GALNT13: variants seen among roughly 807,000 people sequenced by gnomAD.
GALNT13 encodes the protein polypeptide N-acetylgalactosaminyltransferase 13.
Under a neutral mutation model 64.2 loss-of-function variants are expected in GALNT13, and 28 were observed. The ratio of observed to expected loss-of-function variants is 0.44; its 90% CI spans 0.32 to 0.60. The LOEUF (loss-of-function observed/expected upper bound fraction) is 0.60, where lower values mean the gene tolerates loss of function less well. Among genes scored for constraint, GALNT13 ranks in the 20% least tolerant of loss-of-function variants. GALNT13 has a pLI of 0.05. For missense variants in GALNT13, 577 were observed against 669.8 expected (o/e 0.86, Z 1.53); for synonymous variants, 214 against 224.6 (o/e 0.95, Z 0.42).
chr2:153,527,721 TCCAGA>T, the GALNT13 span, among the ~76,000 whole-genome samples: 2 of 152,046 alleles, frequency 1.3e-5, no homozygotes, highest in Non-Finnish European at 2.9e-5. Context: ...CAACAAATTT[TCCAGA>T]CATGGACAGT....
chr2:153,453,203 G>T, the GALNT13 span, among the ~76,000 whole-genome samples: 1 of 152,142 alleles, frequency 6.6e-6, no homozygotes, highest in African/African-American at 2.4e-5. Flanking sequence ...CTGGATGTTG[G>T]CCTTGGGAAG....
chr2:153,357,360 A>G, the GALNT13 span: 2 of 152,198 alleles, frequency 1.3e-5, no homozygotes, highest in African/African-American at 4.8e-5. Flanking sequence ...TTTCAACTTG[A>G]TTATTCTTTA....
At chr2:154,161,160 C>T (rs975288589) in intron 4 of GALNT13, among the ~76,000 whole-genome samples, 10 of 151,928 alleles carry the variant, frequency 6.6e-5, no homozygotes, top group African/African-American at 7.3e-5. Flanking sequence ...AATATGCATG[C>T]GATAAGGAGG....
At chr2:154,014,649 T>TTTTTTTTTTTTTTTTTTC (rs1395681522) in intron 3 of GALNT13, among the ~76,000 whole-genome samples, 1 of 139,318 alleles carries the variant, frequency 7.2e-6, no homozygotes, top group Non-Finnish European at 1.6e-5. Context: ...TTTTTTTTTT[T>TTTTTTTTTTTTTTTTTTC]TGAGACGGAG....
At chr2:153,915,866 T>G (rs538563412) in intron 2 of GALNT13, among the ~76,000 whole-genome samples, 5 of 152,138 alleles carry the variant, frequency 3.3e-5, no homozygotes, top group Non-Finnish European at 1.5e-5. Context: ...ATCAAAGAGA[T>G]TACCTGGAAA....
In GALNT13 at chr2:154,053,789, G is replaced by A. The variant is rs201584712; in HGVS notation, c.143-86548G>A. Reference sequence around the variant, plus strand: ...GAATCTGGGCTGACAGTGGGTGAAAGGCCAGGACTGAGCATCTTTTGTAAG... The same window carrying A: ...GAATCTGGGCTGACAGTGGGTGAAAAGCCAGGACTGAGCATCTTTTGTAAG... On this transcript the variant is annotated intron_variant, in intron 3 of 12. Transcript: ENST00000392825. Among the ~76,000 whole-genome samples the A allele has an allele frequency of 9.9e-5, 15 of 152,266 alleles. No homozygotes were observed. In the East Asian group the frequency reaches 2.5e-3, roughly 25 times the overall value.
the GALNT13 span, among the ~76,000 whole-genome samples, chr2:153,502,413 T>C: frequency 2.0e-5 from 3 of 152,242 alleles, no homozygotes; most frequent in African/African-American, 7.2e-5. Flanking sequence ...GCCAATGCCA[T>C]TGTTTTGTTC....
the GALNT13 span, among the ~76,000 whole-genome samples, chr2:153,299,578 C>T: frequency 6.6e-6 from 1 of 152,160 alleles, no homozygotes; most frequent in East Asian, 1.9e-4. Flanking sequence ...AAATAAAATC[C>T]TTAGCCAGTC....
intron 3 of GALNT13, among the ~76,000 whole-genome samples, chr2:154,008,327 T>C (rs572207369): frequency 2.4e-4 from 37 of 152,224 alleles, no homozygotes; most frequent in Non-Finnish European, 5.1e-4. Flanking sequence ...GGTTATCCAT[T>C]ATCTTGGAAT....
the GALNT13 span, among the ~76,000 whole-genome samples, chr2:153,822,335 A>G: frequency 8.5e-5 from 13 of 152,292 alleles, no homozygotes; most frequent in South Asian, 2.7e-3. Context: ...ATCCTCAGCA[A>G]AATACTAGCA....
the GALNT13 span, among the ~76,000 whole-genome samples, chr2:153,734,258 T>A: frequency 6.8e-4 from 104 of 152,296 alleles, 1 homozygote; most frequent in Middle Eastern, 3.4e-3. Flanking sequence ...TGTGTTATAA[T>A]GAATACATTT....
At chr2:153,092,081 A>G in the GALNT13 span, among the ~76,000 whole-genome samples, 58 of 152,310 alleles carry the variant, frequency 3.8e-4, 1 homozygote, top group East Asian at 0.01. Flanking sequence ...TTTTCCCAGA[A>G]CCACATATTG....
the GALNT13 span, among the ~76,000 whole-genome samples, chr2:153,084,360 C>T: frequency 6.6e-6 from 1 of 152,180 alleles, no homozygotes; most frequent in African/African-American, 2.4e-5. Flanking sequence ...TGATTCTACT[C>T]ATCCATGAGT....
the GALNT13 span, among the ~76,000 whole-genome samples, chr2:153,562,932 G>A: frequency 6.6e-6 from 1 of 152,020 alleles, no homozygotes; most frequent in East Asian, 1.9e-4. Flanking sequence ...TCAGTTGCGT[G>A]ATGTACCTTT....
the GALNT13 span, among the ~76,000 whole-genome samples, chr2:153,108,641 A>T: frequency 1.8e-4 from 28 of 152,252 alleles, no homozygotes; most frequent in Admixed American, 9.8e-4. Context: ...CCACCTGGGG[A>T]TATTCTCTAT....
chr2:154,163,121 A>C (rs1162590800), intron 4 of GALNT13, among the ~76,000 whole-genome samples: 4 of 128,686 alleles, frequency 3.1e-5, no homozygotes, highest in African/African-American at 1.1e-4. Flanking sequence ...TCCTAATGCT[A>C]TCCCTCCCCC....
rs1169788360 is a variant in GALNT13 at position 154,301,391 on chromosome 2, G to A, written c.976-18G>A. ...ACAATATTATTGCATTATTTACAAT[G>A]ATTGTTCCTTTTCCCAGATTTGGCA... On this transcript the variant is annotated intron_variant, in intron 8 of 12. Coordinates refer to ENST00000392825, the MANE Select transcript of GALNT13 (RefSeq NM_052917.4). The A allele has an allele frequency of 6.2e-7, 1 of 1,601,168 alleles. No individual in the cohort carries two copies. The highest frequency in any genetic ancestry group is 1.1e-5 in the South Asian group (1 of 90,276).
At chr2:153,963,983 A>T (rs1693141365) in intron 3 of GALNT13, among the ~76,000 whole-genome samples, 1 of 152,122 alleles carries the variant, frequency 6.6e-6, no homozygotes, top group South Asian at 2.1e-4. Flanking sequence ...CAAGGCCATG[A>T]AAATTCTTTC....
chr2:154,022,875 T>C (rs1280825180), intron 3 of GALNT13, among the ~76,000 whole-genome samples: 3 of 152,270 alleles, frequency 2.0e-5, no homozygotes, highest in South Asian at 4.1e-4. Context: ...GAATGTGTCC[T>C]GGAGATTCTG....
Sources: gnomAD v4.1 joint callset for allele counts (sites outside exome capture counted in the v4.1 genomes callset) on GRCh38, gnomAD v4.1.1 for gene constraint, MANE v1.5 for transcripts, NCBI Gene and HGNC (gene_info 2026-07-23, HGNC 2026-07-21) for gene names.